The following ANK2 variants were observed in gnomAD, a reference collection of about 807,000 sequenced individuals.
The protein encoded by ANK2 is ankyrin-2.
ANK2 carries 83 observed loss-of-function variants against 360.5 expected under a neutral mutation model. The observed-to-expected ratio is 0.23, with a 90% CI of 0.19 to 0.28. The LOEUF (loss-of-function observed/expected upper bound fraction) is 0.28. ANK2 is among the 10% of genes least tolerant of loss of function. The pLI is 1.00. For synonymous variants in ANK2, 1,740 were observed against 1,759.5 expected, an observed-to-expected ratio of 0.99 and a Z score of 0.28; for missense variants, 4,201 against 4,795.7, an observed-to-expected ratio of 0.88 and a Z score of 3.66.
chr4:113,173,031 A>G (rs1361152899), intron 1 of ANK2, among the ~76,000 whole-genome samples: 1 of 152,232 alleles, frequency 6.6e-6, no homozygotes, highest in Non-Finnish European at 1.5e-5. Context: ...GAACAGTGTG[A>G]TATTAATCAT....
chr4:113,069,919 T>A (rs903809597), intron 1 of ANK2: 3 of 152,224 alleles, frequency 2.0e-5, no homozygotes, highest in African/African-American at 7.2e-5. Context: ...GGCATAGGGA[T>A]TTCCAGCTTT....
rs1198111574 is a variant in ANK2, at chr4:113,238,848, T to C, written c.693+1226T>C. Among the ~76,000 whole-genome samples, 4 of 152,168 alleles carry C rather than the reference T, an allele frequency of 2.6e-5. No homozygotes were observed. The South Asian group carries it at 6.2e-4, about 24-fold the overall frequency. On this transcript the variant is annotated intron_variant, in intron 7 of 45. Coordinates refer to ENST00000357077, the MANE Select transcript of ANK2 (RefSeq NM_001148.6). ...ATACCAGTTTTGTGCTGATCCAAGA[T>C]TGACAGCTTGGTTATCATTATGAAT...
upstream of ANK2, among the ~76,000 whole-genome samples, chr4:113,046,431 T>C (rs2064416738): frequency 6.6e-6 from 1 of 152,004 alleles, no homozygotes. Context: ...ACCCCCAGTG[T>C]GATGGTGTTA....
intron 1 of ANK2, among the ~76,000 whole-genome samples, chr4:113,086,877 G>A (rs1291498353): frequency 6.6e-6 from 1 of 152,066 alleles, no homozygotes; most frequent in Non-Finnish European, 1.5e-5. Context: ...GAGGAGTAAG[G>A]GACACCAGTA....
rs1189432806 is a variant in ANK2, at chr4:113,061,810, T to C, written c.84+11998T>C. On this transcript the variant is annotated intron_variant, in intron 1 of 45. Coordinates refer to ENST00000357077, the MANE Select transcript of ANK2 (RefSeq NM_001148.6). Reference sequence around the variant, plus strand: ...AGCTAGTAAAACAGAATGACTATAGTAAAAAATAATGTAATTGTACATTTA... The same window carrying C: ...AGCTAGTAAAACAGAATGACTATAGCAAAAAATAATGTAATTGTACATTTA... 5.9e-5 allele frequency among the ~76,000 whole-genome samples: 9 copies of C among 152,238 alleles called. No individual in the cohort carries two copies. In the East Asian group the frequency reaches 1.7e-3, roughly 29 times the overall value.
At chr4:113,378,833 T>TGGG (rs2097061599) in intron 45 of ANK2, among the ~76,000 whole-genome samples, 1 of 151,986 alleles carries the variant, frequency 6.6e-6, no homozygotes, top group Non-Finnish European at 1.5e-5. Flanking sequence ...TGTATAAACT[T>TGGG]GGGCACTGTT....
the ANK2 span, among the ~76,000 whole-genome samples, chr4:112,812,702 A>T: frequency 6.6e-6 from 1 of 152,202 alleles, no homozygotes; most frequent in African/African-American, 2.4e-5. Context: ...TAAGTTTGGC[A>T]TGACTTTTTA....
At chr4:113,295,343 T>TAA (rs1276845817) in intron 22 of ANK2, among the ~76,000 whole-genome samples, 1 of 152,144 alleles carries the variant, frequency 6.6e-6, no homozygotes, top group Non-Finnish European at 1.5e-5. Context: ...ATGGAACTTA[T>TAA]ATGTCTGGTT....
rs188229688 is a variant in ANK2, at chr4:113,346,261, A to C, written c.4371+239A>C. ...TGCCACCTGATTTCATGTTAAATGC[A>C]CTTTGATGCAAAAATTCTATTAATA... On this transcript the variant is annotated intron_variant, in intron 35 of 45. Transcript: ENST00000357077. 3.9e-5 allele frequency among the ~76,000 whole-genome samples: 6 copies of C among 152,330 alleles called. No homozygotes were observed. In the East Asian group the frequency reaches 1.2e-3, roughly 29 times the overall value.
chr4:113,126,940 G>A (rs1339341122), intron 1 of ANK2, among the ~76,000 whole-genome samples: 1 of 152,058 alleles, frequency 6.6e-6, no homozygotes. Context: ...ACTGTAATTG[G>A]CCTTCACATG....
chr4:113,293,587 A>G, intron 22 of ANK2, 49 bp downstream of exon 22: 1 of 1,512,834 alleles, frequency 6.6e-7, no homozygotes. Context: ...CTTCGTTTTC[A>G]AACTAAATAC....
chr4:113,207,294 G>A (rs773812164), intron 4 of ANK2, among the ~76,000 whole-genome samples: 12 of 152,178 alleles, frequency 7.9e-5, no homozygotes, highest in Non-Finnish European at 1.5e-4. Flanking sequence ...AAATTTGAAT[G>A]AATAATCGAA....
At chr4:112,835,045 G>A (rs1365998757) in intron 1 of ANK2, among the ~76,000 whole-genome samples, 2 of 152,102 alleles carry the variant, frequency 1.3e-5, no homozygotes, top group Non-Finnish European at 2.9e-5. Flanking sequence ...ATCATCTCAG[G>A]AAACCCATAT....
At chr4:112,760,191 T>C in the ANK2 span, among the ~76,000 whole-genome samples, 1 of 142,498 alleles carries the variant, frequency 7.0e-6, no homozygotes, top group Non-Finnish European at 1.5e-5. Flanking sequence ...CCATATTCTT[T>C]TTTTTTTTTT....
rs149607118 is a variant in ANK2, at chr4:112,963,388, G to A, written c.21+58874G>A. Reference sequence around the variant, plus strand: ...TATTATTGCCTACCAACCTCTAATAGTCAAAACAGCATAGCATCAAAGGTA... The same window carrying A: ...TATTATTGCCTACCAACCTCTAATAATCAAAACAGCATAGCATCAAAGGTA... On this transcript the variant is annotated intron_variant, in intron 2 of 30. Transcript: ENST00000503271. Among the ~76,000 whole-genome samples the A allele has an allele frequency of 1.7e-4, 26 of 152,204 alleles. No individual in the cohort carries two copies. The East Asian group carries it at 4.6e-3, about 27-fold the overall frequency.
chr4:113,209,505 A>G (rs2098995847), intron 4 of ANK2, among the ~76,000 whole-genome samples: 1 of 151,912 alleles, frequency 6.6e-6, no homozygotes, highest in Admixed American at 6.6e-5. Flanking sequence ...ATCGAACCAA[A>G]CTGGGGCCCA....
chr4:113,285,140 G>GA (rs1260995561), intron 18 of ANK2, among the ~76,000 whole-genome samples: 4 of 148,898 alleles, frequency 2.7e-5, no homozygotes, highest in Non-Finnish European at 6.0e-5. Context: ...TATTAGAAAA[G>GA]TTTTTTTTTT....
chr4:112,875,483 C>CATTT (rs71582152), intron 1 of ANK2, among the ~76,000 whole-genome samples: 7,355 of 148,656 alleles, frequency 0.049, 356 homozygotes, highest in African/African-American at 0.13. Flanking sequence ...AGGCTAATTA[C>CATTT]ATTTATTTAT....
chr4:113,286,511 G>A (rs888751484), intron 18 of ANK2, among the ~76,000 whole-genome samples: 2 of 152,174 alleles, frequency 1.3e-5, no homozygotes, highest in Admixed American at 6.5e-5. Context: ...GTAGCACCAT[G>A]GCTGGAGATC....
Sources: gnomAD v4.1 joint callset for allele counts (sites outside exome capture counted in the v4.1 genomes callset) on GRCh38, gnomAD v4.1.1 for gene constraint, MANE v1.5 for transcripts, NCBI Gene and HGNC (gene_info 2026-07-23, HGNC 2026-07-21) for gene names.